SERGEF: variants seen among roughly 807,000 people sequenced by gnomAD.
SERGEF encodes secretion regulating guanine nucleotide exchange factor.
In SERGEF, 51 loss-of-function variants were observed where a neutral mutation model predicts 50.0. That is an observed-to-expected ratio of 1.02 (90% CI 0.81 to 1.29). SERGEF has a LOEUF of 1.29. Ranked by LOEUF, SERGEF falls within the 50% of genes most tolerant of loss-of-function variation. The pLI is 0.00. For synonymous variants in SERGEF, 205 were observed against 212.4 expected, an observed-to-expected ratio of 0.97 and a Z score of 0.30; for missense variants, 521 against 557.0, an observed-to-expected ratio of 0.94 and a Z score of 0.65.
chr11:17,989,697 C>T (rs1853672971), intron 7 of SERGEF, among the ~76,000 whole-genome samples: 1 of 152,198 alleles, frequency 6.6e-6, no homozygotes, highest in African/African-American at 2.4e-5. Context: ...AGCTGTACTA[C>T]CCAATACAGT....
chr11:17,902,619 T>A (rs1851767882), intron 9 of SERGEF, among the ~76,000 whole-genome samples: 1 of 152,160 alleles, frequency 6.6e-6, no homozygotes. Context: ...GCAGCACATG[T>A]ACAAAGAACA....
At chr11:17,880,101 G>A (rs1268019097) in intron 9 of SERGEF, among the ~76,000 whole-genome samples, 1 of 152,210 alleles carries the variant, frequency 6.6e-6, no homozygotes, top group African/African-American at 2.4e-5. Flanking sequence ...CTGTGTAGAA[G>A]CTGTGCTTCC....
chr11:17,966,267 G>A lies in SERGEF; in HGVS notation c.845-6631C>T, dbSNP rs1221014938. ...AAAAGAAATGAGTAAAAGGAACAAC[G>A]GAGAAGAAAGATGAAGCAAGATTCA... is the stretch of plus-strand genomic sequence containing the variant. On this transcript the variant is annotated intron_variant, in intron 8 of 10. Coordinates refer to ENST00000265965, the MANE Select transcript of SERGEF (RefSeq NM_012139.4). Among the ~76,000 whole-genome samples, 6 of 152,072 alleles carry A rather than the reference G, an allele frequency of 3.9e-5. No homozygotes were observed. The East Asian group carries it at 5.8e-4, about 15-fold the overall frequency.
At chr11:17,925,605 A>G (rs1044657421) in intron 9 of SERGEF, among the ~76,000 whole-genome samples, 3 of 152,110 alleles carry the variant, frequency 2.0e-5, no homozygotes, top group Admixed American at 2.0e-4. Flanking sequence ...GCTGTTCCAG[A>G]CCCTAGTGTT....
chr11:17,797,435 A>T (rs11024402), intron 10 of SERGEF, among the ~76,000 whole-genome samples: 19,968 of 152,218 alleles, frequency 0.13, 1,541 homozygotes, highest in African/African-American at 0.2. Context: ...CCTGACAGCC[A>T]CAGGTTCATT....
intron 9 of SERGEF, among the ~76,000 whole-genome samples, chr11:17,879,115 G>T (rs1182555381): frequency 6.6e-6 from 1 of 152,082 alleles, no homozygotes; most frequent in African/African-American, 2.4e-5. Flanking sequence ...GCTAAATGAG[G>T]GAATGAATGA....
chr11:17,791,429 G>T (rs1849483030), intron 10 of SERGEF, among the ~76,000 whole-genome samples: 1 of 152,202 alleles, frequency 6.6e-6, no homozygotes, highest in African/African-American at 2.4e-5. Context: ...AGGACTGCAA[G>T]TTTTTAATAG....
At chr11:17,990,255 G>A (rs1853685980) in intron 7 of SERGEF, among the ~76,000 whole-genome samples, 1 of 152,146 alleles carries the variant, frequency 6.6e-6, no homozygotes, top group Admixed American at 6.5e-5. Flanking sequence ...TTTGACACTG[G>A]GCACATCACT....
chr11:17,988,173 C>T (rs1853638725), intron 8 of SERGEF, among the ~76,000 whole-genome samples: 1 of 152,176 alleles, frequency 6.6e-6, no homozygotes, highest in Non-Finnish European at 1.5e-5. Flanking sequence ...GAATTCCATG[C>T]CAGCTATGAA....
chr11:17,898,381 T>A (rs1325374346), intron 9 of SERGEF, among the ~76,000 whole-genome samples: 1 of 152,198 alleles, frequency 6.6e-6, no homozygotes, highest in African/African-American at 2.4e-5. Flanking sequence ...AACTTCAGGT[T>A]CTATCACAAT....
chr11:17,857,016 C>A (rs1011545645), intron 10 of SERGEF, among the ~76,000 whole-genome samples: 8 of 152,112 alleles, frequency 5.3e-5, no homozygotes, highest in East Asian at 3.9e-4. Flanking sequence ...ACCTATGCAG[C>A]CTAGGGAAAT....
intron 10 of SERGEF, among the ~76,000 whole-genome samples, chr11:17,827,700 A>G (rs1011491313): frequency 6.6e-6 from 1 of 152,198 alleles, no homozygotes; most frequent in Non-Finnish European, 1.5e-5. Flanking sequence ...CCTCAGGTCT[A>G]ACTCAGTATC....
At chr11:17,910,697 A>G (rs1035549898) in intron 9 of SERGEF, among the ~76,000 whole-genome samples, 2 of 152,224 alleles carry the variant, frequency 1.3e-5, no homozygotes, top group Admixed American at 1.3e-4. Context: ...AGCATAGGCG[A>G]AGAGGACATA....
chr11:18,011,528 A>C (rs1854195342), intron 1 of SERGEF, among the ~76,000 whole-genome samples: 1 of 152,106 alleles, frequency 6.6e-6, no homozygotes, highest in African/African-American at 2.4e-5. Flanking sequence ...GAGAAAATAA[A>C]TTTCTGTTGT....
At chr11:17,867,957 A>C (rs990335408) in intron 10 of SERGEF, among the ~76,000 whole-genome samples, 18 of 152,210 alleles carry the variant, frequency 1.2e-4, no homozygotes, top group African/African-American at 3.6e-4. Flanking sequence ...GGCACCCTGG[A>C]CCCAGCCCAG....
chr11:17,915,159 T>C (rs1852025876), intron 9 of SERGEF, among the ~76,000 whole-genome samples: 1 of 152,156 alleles, frequency 6.6e-6, no homozygotes, highest in African/African-American at 2.4e-5. Flanking sequence ...AATGAATGAA[T>C]GAATGAATGA....
At chr11:17,992,250 A>G (rs541372753) in intron 7 of SERGEF, among the ~76,000 whole-genome samples, 3 of 152,352 alleles carry the variant, frequency 2.0e-5, no homozygotes, top group African/African-American at 7.2e-5. Flanking sequence ...TTACAAAACT[A>G]CATATCTAGA....
At chr11:17,827,934 T>C (rs1276191228) in intron 10 of SERGEF, among the ~76,000 whole-genome samples, 2 of 152,210 alleles carry the variant, frequency 1.3e-5, no homozygotes, top group Non-Finnish European at 1.5e-5. Context: ...AAGGAAAACA[T>C]AGCAGCACTA....
chr11:17,867,813 A>C (rs373440483), intron 10 of SERGEF, among the ~76,000 whole-genome samples: 3 of 152,332 alleles, frequency 2.0e-5, no homozygotes, highest in African/African-American at 7.2e-5. Context: ...CAGGCTCGAC[A>C]CCATGTGGAA....
Sources: gnomAD v4.1 joint callset for allele counts (sites outside exome capture counted in the v4.1 genomes callset) on GRCh38, gnomAD v4.1.1 for gene constraint, MANE v1.5 for transcripts, NCBI Gene and HGNC (gene_info 2026-07-23, HGNC 2026-07-21) for gene names.